Variants in RASAL2 observed in about 807,000 individuals in gnomAD.
RASAL2 encodes the protein ras GTPase-activating protein nGAP.
In RASAL2, 58 loss-of-function variants were observed where a neutral mutation model predicts 128.9. That is an observed-to-expected ratio of 0.45 (90% CI 0.36 to 0.56). RASAL2 has a LOEUF of 0.56. RASAL2 is among the 20% of genes least tolerant of loss of function. The probability of loss-of-function intolerance (pLI) is 0.00; values close to 1 mark genes in which losing one functional copy is unlikely to be tolerated. For synonymous variants in RASAL2, 561 were observed against 580.8 expected, an observed-to-expected ratio of 0.97 and a Z score of 0.49; for missense variants, 1,360 against 1,601.6, an observed-to-expected ratio of 0.85 and a Z score of 2.57.
At chr1:178,178,486 A>G (rs752184408) in intron 1 of RASAL2, among the ~76,000 whole-genome samples, 5 of 152,192 alleles carry the variant, frequency 3.3e-5, no homozygotes, top group Non-Finnish European at 7.4e-5. Flanking sequence ...AGATATTGCA[A>G]GTCAATTTAT....
chr1:178,347,360 A>G (rs1670203836), intron 3 of RASAL2, among the ~76,000 whole-genome samples: 1 of 152,216 alleles, frequency 6.6e-6, no homozygotes. Context: ...GAGAATAGAA[A>G]CTGTTTTAAG....
chr1:178,338,689 A>G (rs1429110766), intron 3 of RASAL2, among the ~76,000 whole-genome samples: 2 of 152,200 alleles, frequency 1.3e-5, no homozygotes, highest in Non-Finnish European at 1.5e-5. Flanking sequence ...TCTGTTTTCA[A>G]ACCATTTATT....
intron 3 of RASAL2, among the ~76,000 whole-genome samples, chr1:178,321,818 G>A (rs372702248): frequency 6.6e-6 from 1 of 151,264 alleles, no homozygotes; most frequent in South Asian, 2.1e-4. Context: ...GTGAAACCCC[G>A]TCTCTACTAA....
At chr1:178,359,141 C>T (rs1173864783) in intron 3 of RASAL2, among the ~76,000 whole-genome samples, 1 of 152,154 alleles carries the variant, frequency 6.6e-6, no homozygotes, top group East Asian at 1.9e-4. Context: ...ATAATCTATA[C>T]ATTCGTTGTA....
intron 3 of RASAL2, among the ~76,000 whole-genome samples, chr1:178,301,576 G>A (rs746651714): frequency 6.6e-6 from 1 of 151,926 alleles, no homozygotes; most frequent in Non-Finnish European, 1.5e-5. Flanking sequence ...GGGATTACAG[G>A]CATGCACCAC....
chr1:178,248,899 A>G (rs1354390302), intron 1 of RASAL2, among the ~76,000 whole-genome samples: 1 of 152,204 alleles, frequency 6.6e-6, no homozygotes, highest in African/African-American at 2.4e-5. Context: ...GGTTTCTGCC[A>G]AGAAATCTGC....
At chr1:178,169,206 G>A (rs938001551) in intron 1 of RASAL2, among the ~76,000 whole-genome samples, 5 of 151,996 alleles carry the variant, frequency 3.3e-5, no homozygotes, top group African/African-American at 1.2e-4. Context: ...CTAATGTATA[G>A]TCTTTATATT....
chr1:178,186,451 C>T (rs1419442144), intron 1 of RASAL2, among the ~76,000 whole-genome samples: 1 of 152,056 alleles, frequency 6.6e-6, no homozygotes, highest in African/African-American at 2.4e-5. Flanking sequence ...AGTGAATTCA[C>T]TCAGCTTTTT....
intron 3 of RASAL2, among the ~76,000 whole-genome samples, chr1:178,326,445 A>G (rs181210761): frequency 2.0e-5 from 3 of 152,340 alleles, no homozygotes; most frequent in Admixed American, 6.5e-5. Flanking sequence ...AATTTATTGT[A>G]TACTATTTAC....
intron 3 of RASAL2, among the ~76,000 whole-genome samples, chr1:178,330,366 A>G (rs1669237367): frequency 6.6e-6 from 1 of 152,180 alleles, no homozygotes; most frequent in South Asian, 2.1e-4. Context: ...AAAGTATTCT[A>G]TTTATATCTC....
At chr1:178,194,004 A>G (rs1231085713) in intron 1 of RASAL2, among the ~76,000 whole-genome samples, 2 of 152,184 alleles carry the variant, frequency 1.3e-5, no homozygotes, top group African/African-American at 4.8e-5. Context: ...ATCGTTAAAC[A>G]CTTGGATCAA....
intron 8 of RASAL2, among the ~76,000 whole-genome samples, chr1:178,443,459 A>G (rs546532377): frequency 6.6e-6 from 1 of 152,330 alleles, no homozygotes; most frequent in Admixed American, 6.5e-5. Context: ...TGAAACATAG[A>G]TAACACAGCC....
At chr1:178,407,130 A>G (rs966160857) in intron 4 of RASAL2, among the ~76,000 whole-genome samples, 1 of 152,212 alleles carries the variant, frequency 6.6e-6, no homozygotes, top group African/African-American at 2.4e-5. Context: ...AACAAAAACA[A>G]AAAACCTACT....
intron 9 of RASAL2, among the ~76,000 whole-genome samples, chr1:178,447,428 C>A (rs1572091980): frequency 1.3e-5 from 2 of 152,014 alleles, no homozygotes; most frequent in East Asian, 3.9e-4. Context: ...AATCCCAACA[C>A]TTTAGGAGGC....
At chr1:178,239,444 T>A (rs1259013997) in intron 1 of RASAL2, among the ~76,000 whole-genome samples, 2 of 152,034 alleles carry the variant, frequency 1.3e-5, no homozygotes. Flanking sequence ...TAAATACTAG[T>A]GAAGATGTTA....
At chr1:178,457,254 T>C (rs1677840513) in intron 13 of RASAL2, among the ~76,000 whole-genome samples, 1 of 152,258 alleles carries the variant, frequency 6.6e-6, no homozygotes, top group Non-Finnish European at 1.5e-5. Flanking sequence ...CTATGTCAAC[T>C]GGACAGGTAG....
intron 3 of RASAL2, among the ~76,000 whole-genome samples, chr1:178,366,229 T>C (rs1461884278): frequency 1.3e-5 from 2 of 152,112 alleles, no homozygotes. Context: ...AAAATATACA[T>C]AGAGTGATTC....
chr1:178,362,541 A>G (rs1361825395), intron 3 of RASAL2, among the ~76,000 whole-genome samples: 1 of 145,460 alleles, frequency 6.9e-6, no homozygotes, highest in Non-Finnish European at 1.5e-5. Flanking sequence ...AATTTCCAGT[A>G]TAAAATATTA....
chr1:178,260,098 A>G (rs1665597000), intron 1 of RASAL2, among the ~76,000 whole-genome samples: 2 of 151,454 alleles, frequency 1.3e-5, no homozygotes. Context: ...CACGCCTGTA[A>G]TCCCAGCATT....
Sources: allele counts gnomAD v4.1 joint callset (sites outside exome capture counted in the v4.1 genomes callset), GRCh38; gene constraint gnomAD v4.1.1; transcripts MANE v1.5; gene names NCBI Gene and HGNC (gene_info 2026-07-23, HGNC 2026-07-21).